EYS: variants seen among roughly 807,000 people sequenced by gnomAD.
The protein encoded by EYS is protein eyes shut homolog.
A neutral mutation model predicts 282.1 loss-of-function variants in EYS; 250 were observed. That is an observed-to-expected ratio of 0.89 (90% CI 0.80 to 0.98). The LOEUF is 0.98. Among genes scored for constraint, EYS ranks in the 50% least tolerant of loss-of-function variants. The pLI is 0.00. For missense variants in EYS, 4,016 were observed against 3,709.0 expected, an observed-to-expected ratio of 1.08 and a Z score of -2.15; for synonymous variants, 1,355 against 1,282.9, an observed-to-expected ratio of 1.06 and a Z score of -1.20.
intron 12 of EYS, among the ~76,000 whole-genome samples, chr6:65,135,006 T>A (rs572009616): frequency 4.6e-5 from 7 of 152,080 alleles, no homozygotes; most frequent in South Asian, 2.1e-4. Context: ...ATATATATAT[T>A]TTTTCAGATT....
intron 32 of EYS, among the ~76,000 whole-genome samples, chr6:64,067,327 T>C (rs1562183215): frequency 6.6e-6 from 1 of 152,078 alleles, no homozygotes; most frequent in Non-Finnish European, 1.5e-5. Flanking sequence ...CACCTAAACA[T>C]CACCCAAATT....
chr6:65,097,647 A>T (rs1181909960), intron 12 of EYS, among the ~76,000 whole-genome samples: 1 of 150,890 alleles, frequency 6.6e-6, no homozygotes, highest in Non-Finnish European at 1.5e-5. Flanking sequence ...CAAGTGTGGT[A>T]CATATGTACG....
At chr6:65,483,013 T>A (rs1765660202) in intron 5 of EYS, among the ~76,000 whole-genome samples, 1 of 152,188 alleles carries the variant, frequency 6.6e-6, no homozygotes, top group Non-Finnish European at 1.5e-5. Context: ...TTTAAAAATT[T>A]AGCAATAAAT....
At chr6:65,085,753 C>T (rs1163158084) in intron 12 of EYS, among the ~76,000 whole-genome samples, 1 of 152,044 alleles carries the variant, frequency 6.6e-6, no homozygotes, top group Admixed American at 6.6e-5. Context: ...TTTCCAGGTC[C>T]ACTTTTCTCT....
intron 19 of EYS, among the ~76,000 whole-genome samples, chr6:64,851,326 A>T (rs2224744): frequency 0.033 from 4,990 of 152,010 alleles, 208 homozygotes; most frequent in East Asian, 0.24. Context: ...GATTTTTTTT[A>T]AAAAAATAAG....
At chr6:64,442,978 A>G (rs1334467686) in intron 26 of EYS, among the ~76,000 whole-genome samples, 1 of 152,118 alleles carries the variant, frequency 6.6e-6, no homozygotes, top group Non-Finnish European at 1.5e-5. Flanking sequence ...GAGGACCACC[A>G]TTCTCCAGAA....
At chr6:64,498,301 T>C (rs771674593) in intron 26 of EYS, among the ~76,000 whole-genome samples, 2 of 152,136 alleles carry the variant, frequency 1.3e-5, no homozygotes, top group African/African-American at 2.4e-5. Flanking sequence ...TCAAATAGCT[T>C]AGCGAAGGTA....
chr6:63,790,176 A>T (rs1229957178), intron 37 of EYS, among the ~76,000 whole-genome samples: 2 of 152,216 alleles, frequency 1.3e-5, no homozygotes, highest in African/African-American at 4.8e-5. Context: ...CTTGACATAG[A>T]AAAAATTTAT....
chr6:64,681,977 C>T (rs776555004), intron 22 of EYS, among the ~76,000 whole-genome samples: 1 of 152,082 alleles, frequency 6.6e-6, no homozygotes, highest in Non-Finnish European at 1.5e-5. Flanking sequence ...AAGAACACGC[C>T]GTGCCTCAAG....
Position 65,402,548 on chromosome 6 carries a change from T to C in EYS, c.1114A>G (p.Thr372Ala). 6.4e-7 allele frequency: 1 copy of C among 1,571,536 alleles called. No homozygotes were observed. Residue 372 changes from threonine (T) to alanine (A), a missense_variant, in exon 7 of 43, where the codon ACA (threonine) becomes GCA (alanine). Thr to Ala is a moderately conservative substitution (Grantham distance 58, BLOSUM62 0). Transcript: ENST00000503581. ...FTDLLCKSIQ[T>A]SCESFPLRNN... ...CTCAAAGGAAATGACTCACATGATG[T>C]TTGAATGCTCTTACAAAGCAAATCT...
At chr6:65,061,033 A>G (rs908539932) in intron 12 of EYS, among the ~76,000 whole-genome samples, 6 of 151,860 alleles carry the variant, frequency 4.0e-5, no homozygotes, top group Non-Finnish European at 8.8e-5. Context: ...ACAAAATAAT[A>G]AAATTCCAAA....
intron 12 of EYS, among the ~76,000 whole-genome samples, chr6:65,146,705 C>A (rs1412145858): frequency 6.6e-6 from 1 of 151,974 alleles, no homozygotes; most frequent in African/African-American, 2.4e-5. Flanking sequence ...GCAGACCTGT[C>A]AAATTTTACA....
chr6:65,123,307 A>C (rs1462973627), intron 12 of EYS, among the ~76,000 whole-genome samples: 1 of 152,174 alleles, frequency 6.6e-6, no homozygotes, highest in African/African-American at 2.4e-5. Context: ...TCTGTAATAC[A>C]GTTATGTTTT....
chr6:63,809,318 G>A (rs1056981546), intron 36 of EYS, among the ~76,000 whole-genome samples: 1 of 152,098 alleles, frequency 6.6e-6, no homozygotes, highest in African/African-American at 2.4e-5. Context: ...TCCATCTTCC[G>A]CCAGGTAACA....
intron 30 of EYS, among the ~76,000 whole-genome samples, chr6:64,233,798 T>A (rs2150339408): frequency 6.6e-6 from 1 of 152,290 alleles, no homozygotes; most frequent in South Asian, 2.1e-4. Flanking sequence ...GAAAGACACC[T>A]TGATAGGACA....
At chr6:65,370,719 T>C (rs1765111265) in intron 8 of EYS, among the ~76,000 whole-genome samples, 1 of 151,878 alleles carries the variant, frequency 6.6e-6, no homozygotes, top group South Asian at 2.1e-4. Flanking sequence ...GCTCTGACTA[T>C]CTCATTACTA....
intron 19 of EYS, among the ~76,000 whole-genome samples, chr6:64,864,245 T>G (rs1766340897): frequency 1.3e-5 from 2 of 152,078 alleles, no homozygotes; most frequent in African/African-American, 4.8e-5. Flanking sequence ...CCTCATCCAC[T>G]GTCCCCCTTG....
intron 35 of EYS, among the ~76,000 whole-genome samples, chr6:63,919,958 C>A (rs778793262): frequency 5.3e-5 from 8 of 152,176 alleles, no homozygotes; most frequent in Non-Finnish European, 5.9e-5. Context: ...TTGCGTAAAT[C>A]AAGTTGTTGT....
At chr6:64,794,688 G>A (rs1234633606) in intron 22 of EYS, among the ~76,000 whole-genome samples, 1 of 152,022 alleles carries the variant, frequency 6.6e-6, no homozygotes, top group Non-Finnish European at 1.5e-5. Flanking sequence ...TAAAAATGTG[G>A]CATATACATA....
Sources: allele counts gnomAD v4.1 joint callset (sites outside exome capture counted in the v4.1 genomes callset), GRCh38; gene constraint gnomAD v4.1.1; transcripts MANE v1.5; gene names NCBI Gene and HGNC (gene_info 2026-07-23, HGNC 2026-07-21).